TK2: variants seen among roughly 807,000 people sequenced by gnomAD.
TK2 encodes thymidine kinase 2.
TK2 carries 35 observed loss-of-function variants against 41.9 expected under a neutral mutation model. The observed-to-expected ratio is 0.84, with a 90% CI of 0.64 to 1.11. TK2 has a LOEUF of 1.11. Among genes scored for constraint, TK2 ranks in the 50% least tolerant of loss-of-function variants. The pLI is 0.00. For missense variants in TK2, 320 were observed against 351.1 expected (o/e 0.91, Z 0.71); for synonymous variants, 128 against 129.1 (o/e 0.99, Z 0.06).
chr16:66,550,187 T>C (rs777955451), upstream of TK2: 54 of 1,612,230 alleles, frequency 3.3e-5, no homozygotes, highest in Non-Finnish European at 4.4e-5. Context: ...CCCGGTCGCA[T>C]TTCATCTCAG....
intron 3 of TK2, among the ~76,000 whole-genome samples, chr16:66,541,064 T>C (rs1251937448): frequency 1.3e-5 from 2 of 152,210 alleles, no homozygotes; most frequent in Non-Finnish European, 2.9e-5. Context: ...ATTCCACACA[T>C]AAATACTTAA....
intron 2 of TK2, among the ~76,000 whole-genome samples, chr16:66,548,279 C>A (rs141800485): frequency 6.8e-4 from 103 of 152,278 alleles, no homozygotes; most frequent in South Asian, 2.7e-3. Flanking sequence ...GCACTGTCTA[C>A]CCTCTGCAGA....
At chr16:66,548,014 C>G (rs1184575120) in intron 2 of TK2, 14 of 1,267,138 alleles carry the variant, frequency 1.1e-5, no homozygotes, top group Non-Finnish European at 1.4e-5. Flanking sequence ...CAGAGGATCA[C>G]TTGAGCCCAG....
intron 2 of TK2, 66 bp downstream of exon 2, chr16:66,548,912 C>T: frequency 1.9e-5 from 29 of 1,500,386 alleles, no homozygotes; most frequent in Middle Eastern, 1.8e-4. Flanking sequence ...TTTTACTCTG[C>T]TTTTTTCTCT....
At chr16:66,547,364 G>C (rs1234349775) in intron 2 of TK2, among the ~76,000 whole-genome samples, 1 of 152,144 alleles carries the variant, frequency 6.6e-6, no homozygotes, top group South Asian at 2.1e-4. Flanking sequence ...AACCCGGATC[G>C]TGCTGGGTGG....
At chr16:66,532,296 C>T (rs958247777) in intron 4 of TK2, among the ~76,000 whole-genome samples, 2 of 152,026 alleles carry the variant, frequency 1.3e-5, no homozygotes, top group Non-Finnish European at 2.9e-5. Flanking sequence ...ATCCCATTTG[C>T]GATGCTACAA....
rs541257208 is a variant in TK2, at chr16:66,508,820, C to T, written c.*3148G>A. 2.0e-5 allele frequency: 3 copies of T among 152,376 alleles called. No individual in the cohort carries two copies. The South Asian group carries it at 6.2e-4, about 32-fold the overall frequency. 9.4% of individuals were successfully genotyped at this position (152,376 alleles called of 1,614,324 possible). Reference sequence around the variant, plus strand: ...AGAGAAAGTGAAAAGTAAAAACAAGCTGGGTAATGTTTCCAGAGGTCCACA... The same window carrying T: ...AGAGAAAGTGAAAAGTAAAAACAAGTTGGGTAATGTTTCCAGAGGTCCACA... On this transcript the variant is annotated 3_prime_UTR_variant, in exon 10 of 10. Transcript: ENST00000544898.
intron 9 of TK2, among the ~76,000 whole-genome samples, chr16:66,512,879 A>C (rs1219932195): frequency 1.3e-5 from 2 of 152,216 alleles, no homozygotes; most frequent in Non-Finnish European, 2.9e-5. Context: ...GAGCCCAAAC[A>C]GATATTCCTA....
At position 66,549,074 on chromosome 16, in the gene TK2, C is replaced by T. The variant is rs4783563; in HGVS notation, c.125-65G>A. ...AATAACTCTCCTCTGCCCTAATTTG[C>T]TACATGACCACAAAAACACTAATGT... On this transcript the variant is annotated intron_variant, in intron 1 of 9. Coordinates refer to ENST00000544898, the MANE Select transcript of TK2 (RefSeq NM_004614.5). 7 of 1,606,346 alleles carry T rather than the reference C, an allele frequency of 4.4e-6. No individual in the cohort carries two copies. In the Admixed American group the frequency reaches 1.2e-4, roughly 27 times the overall value.
chr16:66,538,068 C>A (rs1965341164), intron 3 of TK2, among the ~76,000 whole-genome samples: 1 of 152,108 alleles, frequency 6.6e-6, no homozygotes, highest in South Asian at 2.1e-4. Context: ...GAGGCTGAGG[C>A]AGGAGAATCA....
Position 66,511,745 on chromosome 16 carries a change from C to A in TK2, c.*223G>T, listed in dbSNP as rs904749580. 5 of 603,420 alleles carry A rather than the reference C, an allele frequency of 8.3e-6. No individual in the cohort carries two copies. The highest frequency in any genetic ancestry group is 1.5e-5 in the Non-Finnish European group (5 of 335,746). 37.4% of individuals were successfully genotyped at this position (603,420 alleles called of 1,614,324 possible). A position where few individuals can be genotyped will look rare whatever the true frequency, so the allele number is the denominator to read the frequency against. On this transcript the variant is annotated 3_prime_UTR_variant, in exon 10 of 10. Coordinates refer to ENST00000544898, the MANE Select transcript of TK2 (RefSeq NM_004614.5). ...GAGGCACCGGGGGAATGTGAGGCTG[C>A]GAACAGCAAAGGGCTTGGCAAACCC...
intron 6 of TK2, chr16:66,518,171 C>G: frequency 2.3e-6 from 1 of 428,208 alleles, no homozygotes; most frequent in South Asian, 2.1e-5. Flanking sequence ...AAGCTTGTAC[C>G]CTGAGAACAG....
chr16:66,523,096 C>T (rs968616618), intron 6 of TK2, among the ~76,000 whole-genome samples: 4 of 152,164 alleles, frequency 2.6e-5, no homozygotes, highest in Non-Finnish European at 4.4e-5. Context: ...AATTTTACTT[C>T]GAGGAGATGC....
chr16:66,513,674 C>A, intron 9 of TK2, 57 bp downstream of exon 9: 3 of 1,540,118 alleles, frequency 1.9e-6, no homozygotes, highest in African/African-American at 1.4e-5. Context: ...GCTGACATTC[C>A]CCGGGTCACT....
At chr16:66,535,119 G>C (rs751610446) in intron 4 of TK2, among the ~76,000 whole-genome samples, 4 of 152,320 alleles carry the variant, frequency 2.6e-5, no homozygotes, top group Non-Finnish European at 4.4e-5. Context: ...ACTCCCTCTT[G>C]CCTGATGGCC....
chr16:66,513,715 A>T lies in TK2; in HGVS notation c.699+16T>A, dbSNP rs2144339450. ...TTCTAGAACAGTCTCGTACCCTGTA[A>T]GGGAGTCTTACTTACCAGAACAGGG... is the stretch of plus-strand genomic sequence containing the variant. On this transcript the variant is annotated intron_variant, in intron 9 of 9. Transcript: ENST00000544898. The T allele has an allele frequency of 1.2e-6, 2 of 1,612,246 alleles. No individual in the cohort carries two copies. Among genetic ancestry groups the T allele is most frequent in the Non-Finnish European group, 1.7e-6 (2 of 1,178,502 alleles).
Position 66,518,964 on chromosome 16 carries a change from T to A in TK2, c.450-1087A>T, listed in dbSNP as rs191388736. Among the ~76,000 whole-genome samples, 495 of 152,042 alleles carry A rather than the reference T, an allele frequency of 3.3e-3. 1 individual carries two copies. Among genetic ancestry groups the A allele is most frequent in the Admixed American group, 7.2e-3 (110 of 15,258 alleles). On this transcript the variant is annotated intron_variant, in intron 6 of 9. Transcript: ENST00000544898. ...TACATATTTTAGTTTTTATTTATTT[T>A]TTTTTTTTATTTTTTGAGACGTAGT...
At position 66,529,010 on chromosome 16, in the gene TK2, C is replaced by CT; in HGVS notation, c.432dup (p.Glu145ArgfsTer5). 1 of 1,614,102 alleles carries CT rather than the reference C, an allele frequency of 6.2e-7. No homozygotes were observed. The highest frequency in any genetic ancestry group is 1.3e-5 in the African/African-American group (1 of 75,054). ...CTACAGTACCTTCTATACAGGTTTT[C>CT]TACAAAAATGTATCTTGCGCTGTGA... On this transcript the variant is annotated frameshift_variant, in exon 6 of 10. Coordinates refer to ENST00000544898, the MANE Select transcript of TK2 (RefSeq NM_004614.5). LOFTEE classifies it high-confidence loss of function.
Position 66,513,864 on chromosome 16 carries a change from T to C in TK2, c.619-53A>G, listed in dbSNP as rs2241619. The C allele has an allele frequency of 0.067, 102,620 of 1,520,636 alleles. 7,878 individuals carry two copies. Among genetic ancestry groups the C allele is most frequent in the African/African-American group, 0.33 (24,290 of 72,628 alleles). The allele number at this position is 1,520,636 out of a possible 1,614,324, so 94.2% of individuals were successfully genotyped here. On this transcript the variant is annotated intron_variant, in intron 8 of 9. Transcript: ENST00000544898. ...GGGAGTGGACAGAGCAGACCCCACC[T>C]ACCAAGGGTGTCAAGCAGAGGGGGT...
Sources: allele counts gnomAD v4.1 joint callset (sites outside exome capture counted in the v4.1 genomes callset), GRCh38; gene constraint gnomAD v4.1.1; transcripts MANE v1.5; gene names NCBI Gene and HGNC (gene_info 2026-07-23, HGNC 2026-07-21).